FNTB: variants seen among roughly 807,000 people sequenced by gnomAD.
FNTB encodes protein farnesyltransferase subunit beta.
FNTB carries 27 observed loss-of-function variants against 59.4 expected under a neutral mutation model. That is an observed-to-expected ratio of 0.45 (90% CI 0.34 to 0.63). The LOEUF (loss-of-function observed/expected upper bound fraction) is 0.63. Among genes scored for constraint, FNTB ranks in the 20% least tolerant of loss-of-function variants. The pLI, the probability that FNTB is intolerant of heterozygous loss-of-function variation, is 0.02. For missense variants in FNTB, 449 were observed against 559.6 expected, an observed-to-expected ratio of 0.80 and a Z score of 1.99; for synonymous variants, 230 against 220.7, an observed-to-expected ratio of 1.04 and a Z score of -0.37.
At chr14:65,041,046 CAG>C in intron 8 of FNTB, 127 bp downstream of exon 8, 1 of 1,443,404 alleles carries the variant, frequency 6.9e-7, no homozygotes, top group Non-Finnish European at 9.3e-7. Context: ...TGTTCCAACA[CAG>C]AGGAAGGAGT....
At position 65,001,642 on chromosome 14, in the gene FNTB, G is replaced by A. The variant is rs147562098; in HGVS notation, c.145-2607G>A. On this transcript the variant is annotated intron_variant, in intron 1 of 11. Transcript: ENST00000246166. This position sits in a 1 kb window ranked among gnomAD's most constrained non-coding sequence, Gnocchi z 5.5. Reference sequence around the variant, plus strand: ...CCTGGGAGATCCTGGAACCAATCCCGCATGGATACTGAGGGATGATGGTAT... The same window carrying A: ...CCTGGGAGATCCTGGAACCAATCCCACATGGATACTGAGGGATGATGGTAT... 2.6e-5 allele frequency among the ~76,000 whole-genome samples: 4 copies of A among 152,276 alleles called. No individual in the cohort carries two copies. Among genetic ancestry groups the A allele is most frequent in the Admixed American group, 6.5e-5 (1 of 15,296 alleles).
At chr14:65,018,316 C>G (rs1331806993) in intron 4 of FNTB, among the ~76,000 whole-genome samples, 2 of 152,112 alleles carry the variant, frequency 1.3e-5, no homozygotes, top group African/African-American at 4.8e-5. Context: ...GGCAACAGAG[C>G]AAGACCCTGT....
intron 4 of FNTB, among the ~76,000 whole-genome samples, chr14:65,021,037 C>T (rs60577293): frequency 0.01 from 1,583 of 152,208 alleles, 26 homozygotes; most frequent in East Asian, 0.081. Context: ...GCCTAGCTTC[C>T]CTCTTTTAAG....
rs563432284 is a variant in FNTB at position 65,019,262 on chromosome 14, G to A, written c.374+3546G>A. Among the ~76,000 whole-genome samples the A allele has an allele frequency of 9.5e-4, 145 of 152,198 alleles. 2 individuals are homozygous for A. Among genetic ancestry groups the A allele is most frequent in the African/African-American group, 3.0e-3 (125 of 41,536 alleles). The stretch of plus-strand genomic sequence containing the variant: ...AGGACTTTGAGAGGCTGAGACAGGC[G>A]GATTACTTGAGGTCAGGAGTTCGAG... On this transcript the variant is annotated intron_variant, in intron 4 of 11. Transcript: ENST00000246166.
At chr14:65,005,489 CTT>C (rs1566864927) in intron 2 of FNTB, among the ~76,000 whole-genome samples, 2 of 136,726 alleles carry the variant, frequency 1.5e-5, no homozygotes, top group Non-Finnish European at 3.0e-5. Flanking sequence ...TTCTTTCTTT[CTT>C]TCTTTCTTTC....
chr14:65,035,265 A>C (rs1397171765), intron 7 of FNTB, among the ~76,000 whole-genome samples: 1 of 152,142 alleles, frequency 6.6e-6, no homozygotes, highest in Non-Finnish European at 1.5e-5. Flanking sequence ...CCAGAGAGAA[A>C]AAGTTGTGGG....
At chr14:65,003,774 G>A (rs573462023) in intron 1 of FNTB, 1 of 152,336 alleles carries the variant, frequency 6.6e-6, no homozygotes, top group African/African-American at 2.4e-5. Flanking sequence ...TTGGTACGGA[G>A]AGGGAAACAC....
intron 4 of FNTB, among the ~76,000 whole-genome samples, chr14:65,016,774 G>A (rs535844191): frequency 5.9e-5 from 9 of 152,308 alleles, no homozygotes; most frequent in South Asian, 2.1e-4. Context: ...CTTGTGGTAC[G>A]TAGGATGCTT....
rs1167683723 is a variant in FNTB, at chr14:65,047,631, C to T, written c.955+3188C>T. On this transcript the variant is annotated intron_variant, in intron 9 of 11. Coordinates refer to ENST00000246166, the MANE Select transcript of FNTB (RefSeq NM_002028.4). The surrounding 1 kb of genome is among the most constrained non-coding windows in gnomAD (Gnocchi z 5.2). ...GACATCCATTTAAATTATAAGGGCA[C>T]TTACCCTTTGAACACAGCAAGTGCA... Among the ~76,000 whole-genome samples the T allele has an allele frequency of 2.0e-5, 3 of 152,154 alleles. No individual in the cohort carries two copies. The highest frequency in any genetic ancestry group is 4.4e-5 in the Non-Finnish European group (3 of 68,036).
intron 9 of FNTB, among the ~76,000 whole-genome samples, chr14:65,046,527 CA>C (rs2062482496): frequency 1.3e-5 from 2 of 152,154 alleles, no homozygotes; most frequent in Admixed American, 1.3e-4. Context: ...TAGTGGCATT[CA>C]AAGCTTTGTC....
At chr14:64,992,889 A>C (rs1211033963) in intron 1 of FNTB, among the ~76,000 whole-genome samples, 1 of 152,114 alleles carries the variant, frequency 6.6e-6, no homozygotes, top group East Asian at 1.9e-4. Context: ...CCCAGGCTGG[A>C]GTGCAGTGGC....
chr14:65,060,465 G>C (rs2062836547), intron 11 of FNTB, among the ~76,000 whole-genome samples: 1 of 104,274 alleles, frequency 9.6e-6, no homozygotes, highest in Admixed American at 8.3e-5. Context: ...GGGAGGCCGA[G>C]GCGGGCGGAT....
At chr14:65,000,579 G>A (rs1434164173) in intron 1 of FNTB, among the ~76,000 whole-genome samples, 1 of 152,032 alleles carries the variant, frequency 6.6e-6, no homozygotes, top group African/African-American at 2.4e-5. Flanking sequence ...CCAGCACTTT[G>A]GGAGGCTGAG....
rs1318692209 is a variant in FNTB, at chr14:65,009,717, GAACTAAACTA to G, written c.210-2598_210-2589del. ...ACTGCCTTGTACTTTTGATCCAGCT[GAACTAAACTA>G]ACTCAAATGTGTCATGGTGTTTTCT... On this transcript the variant is annotated intron_variant, in intron 2 of 11. Coordinates refer to ENST00000246166, the MANE Select transcript of FNTB (RefSeq NM_002028.4). The surrounding 1 kb of genome is among the most constrained non-coding windows in gnomAD (Gnocchi z 4.2). Among the ~76,000 whole-genome samples the G allele has an allele frequency of 1.3e-5, 2 of 152,088 alleles. No homozygotes were observed. The highest frequency in any genetic ancestry group is 3.8e-4 in the East Asian group (2 of 5,202).
In FNTB at chr14:65,040,870, C is replaced by G; in HGVS notation, c.773C>G (p.Ala258Gly). ...GGCTATACCTTCTGTGGCCTGGCCG[C>G]GCTGGTAATCCTCAAGAGGGAACGT... Reference protein sequence around the residue: ...HGGYTFCGLAALVILKRERSL... With the variant: ...HGGYTFCGLAGLVILKRERSL... The change falls in exon 8 of 12, where the codon GCG becomes GGG. Residue 258 changes from alanine to glycine, a missense_variant. Ala to Gly is a moderately conservative substitution (Grantham distance 60, BLOSUM62 0). Around this residue, in one of 2 missense-constraint regions of FNTB, gnomAD observed 337 missense variants for 479.1 expected, o/e 0.70. Coordinates refer to ENST00000246166, the MANE Select transcript of FNTB (RefSeq NM_002028.4). 6.2e-7 allele frequency: 1 copy of G among 1,613,924 alleles called. No individual in the cohort carries two copies. Among genetic ancestry groups the G allele is most frequent in the Non-Finnish European group, 8.5e-7 (1 of 1,179,932 alleles).
intron 1 of FNTB, among the ~76,000 whole-genome samples, chr14:64,988,366 A>G (rs1274804441): frequency 6.6e-6 from 1 of 152,020 alleles, no homozygotes; most frequent in Non-Finnish European, 1.5e-5. Context: ...TCTTTGCAGA[A>G]TTCCTAAATG....
Position 65,056,066 on chromosome 14 carries a change from T to C in FNTB, c.1182+1377T>C, listed in dbSNP as rs940838059. Among the ~76,000 whole-genome samples, 18 of 152,364 alleles carry C rather than the reference T, an allele frequency of 1.2e-4. No homozygotes were observed. In the East Asian group the frequency reaches 1.7e-3, roughly 15 times the overall value. On this transcript the variant is annotated intron_variant, in intron 11 of 11. Transcript: ENST00000246166. ...CATGCCTGTGGATGTTTTTGTGCTA[T>C]TGCTACATACATATGTATCTATAAG...
chr14:65,019,010 T>C (rs879264551), intron 4 of FNTB, among the ~76,000 whole-genome samples: 40 of 151,988 alleles, frequency 2.6e-4, no homozygotes, highest in South Asian at 6.2e-4. Context: ...GGAGGCTGTT[T>C]GTTTGTTTTT....
Position 65,012,472 on chromosome 14 carries a change from TG to T in FNTB, c.282+87del. The T allele has an allele frequency of 6.4e-7, 1 of 1,561,516 alleles. No individual in the cohort carries two copies. The highest frequency in any genetic ancestry group is 8.8e-7 in the Non-Finnish European group (1 of 1,142,150). On this transcript the variant is annotated intron_variant, in intron 3 of 11. Coordinates refer to ENST00000246166, the MANE Select transcript of FNTB (RefSeq NM_002028.4). This position sits in a 1 kb window ranked among gnomAD's most constrained non-coding sequence, Gnocchi z 5.0. ...TTTCTATTTAAACGTAAAAGACTGT[TG>T]GGGCTGACCTGTTGCAGAGTCACTC... is the stretch of plus-strand genomic sequence containing the variant.
Sources: gnomAD v4.1 joint callset for allele counts (sites outside exome capture counted in the v4.1 genomes callset) on GRCh38, gnomAD v4.1.1 for gene constraint, gnomAD v4.1.1 regional missense constraint, Gnocchi (gnomAD v3.1) non-coding constraint, MANE v1.5 for transcripts, NCBI Gene and HGNC (gene_info 2026-07-23, HGNC 2026-07-21) for gene names.